The following ZNF334 variants were observed in gnomAD, a reference collection of about 807,000 sequenced individuals.
ZNF334 encodes the protein zinc finger protein 334.
A neutral mutation model predicts 12.4 loss-of-function variants in ZNF334; 14 were observed. That is an observed-to-expected ratio of 1.13 (90% CI 0.74 to 1.76). The LOEUF is 1.76. Ranked by LOEUF, ZNF334 falls within the 40% of genes most tolerant of loss-of-function variation. The pLI, the probability that ZNF334 is intolerant of heterozygous loss-of-function variation, is 0.00. For missense variants in ZNF334, 797 were observed against 804.5 expected (o/e 0.99, Z 0.11); for synonymous variants, 273 against 269.6 (o/e 1.01, Z -0.12).
chr20:46,496,678 T>C (rs1164195613), downstream of ZNF334: 2 of 152,240 alleles, frequency 1.3e-5, no homozygotes, highest in Non-Finnish European at 2.9e-5. Context: ...CTTTTATGCT[T>C]AGCAAGGCTT....
At chr20:46,464,492 T>C in the ZNF334 span, 11 of 510,696 alleles carry the variant, frequency 2.2e-5, no homozygotes, top group Non-Finnish European at 3.1e-5. Context: ...ACACATCGTA[T>C]CCTTGCTGCA....
At chr20:46,482,483 G>A in the ZNF334 span, among the ~76,000 whole-genome samples, 1 of 152,156 alleles carries the variant, frequency 6.6e-6, no homozygotes, top group Non-Finnish European at 1.5e-5. Context: ...AGGCAGACCT[G>A]AGTTAAATTT....
rs750116919 is a variant in ZNF334 at position 46,502,708 on chromosome 20, A to C, written c.631T>G (p.Tyr211Asp). 1.4e-5 allele frequency: 23 copies of C among 1,613,436 alleles called. No individual in the cohort carries two copies. The highest frequency in any genetic ancestry group is 1.7e-5 in the Non-Finnish European group (20 of 1,179,994). The change falls in exon 5 of 5, where the codon TAT becomes GAT. Residue 211 changes from tyrosine to aspartate, a missense_variant. Transcript: ENST00000692313. ...NIQILKQPFD[Y>D]NKCGKTFFKR... ...AAGAAGGTTTTCCCACATTTATTAT[A>C]GTCAAACGGTTGTTTCAAAATCTGA...
At chr20:46,499,160 C>G (rs942355041), downstream of ZNF334, among the ~76,000 whole-genome samples, 5 of 110,132 alleles carry the variant, frequency 4.5e-5, no homozygotes, top group Non-Finnish European at 8.4e-5. Context: ...GGCGACAGAG[C>G]GAGACTCCGT....
chr20:46,470,550 G>A, the ZNF334 span, among the ~76,000 whole-genome samples: 27 of 152,320 alleles, frequency 1.8e-4, no homozygotes, highest in Non-Finnish European at 2.9e-4. Context: ...AGAGGAACGC[G>A]AGGGACAGAG....
the ZNF334 span, chr20:46,484,402 T>C: frequency 6.0e-6 from 1 of 167,060 alleles, no homozygotes; most frequent in Non-Finnish European, 1.5e-5. Flanking sequence ...ATTTGAAAGA[T>C]ATCTACCAGA....
intron 2 of ZNF334, among the ~76,000 whole-genome samples, chr20:46,510,787 AT>A (rs2061621021): frequency 6.7e-6 from 1 of 150,080 alleles, no homozygotes; most frequent in Non-Finnish European, 1.5e-5. Flanking sequence ...GATGGCCTTC[AT>A]TTTCTGGCTT....
the ZNF334 span, among the ~76,000 whole-genome samples, chr20:46,481,793 G>C: frequency 6.6e-6 from 1 of 152,090 alleles, no homozygotes; most frequent in South Asian, 2.1e-4. Flanking sequence ...TACGTTGATG[G>C]GTAAACAGAA....
intron 4 of ZNF334, among the ~76,000 whole-genome samples, chr20:46,503,563 C>T (rs982004998): frequency 1.3e-5 from 2 of 152,138 alleles, no homozygotes; most frequent in East Asian, 3.8e-4. Flanking sequence ...ATTATCAAAA[C>T]ACACAAGAAG....
the ZNF334 span, among the ~76,000 whole-genome samples, chr20:46,468,004 A>C: frequency 6.6e-6 from 1 of 152,224 alleles, no homozygotes; most frequent in African/African-American, 2.4e-5. Flanking sequence ...TTTACTGCTT[A>C]TAAGTGATAT....
the ZNF334 span, among the ~76,000 whole-genome samples, chr20:46,489,777 T>G: frequency 6.6e-6 from 1 of 152,234 alleles, no homozygotes; most frequent in African/African-American, 2.4e-5. Context: ...ATTACTCATG[T>G]ATATTTATAA....
chr20:46,465,237 T>C, the ZNF334 span: 1 of 180,708 alleles, frequency 5.5e-6, no homozygotes, highest in African/African-American at 2.4e-5. Context: ...CTCCTGATAT[T>C]GTGGCTGTTG....
At chr20:46,465,012 T>C in the ZNF334 span, 4 of 386,804 alleles carry the variant, frequency 1.0e-5, no homozygotes, top group African/African-American at 6.4e-5. Context: ...GTACCGTCGC[T>C]GAAAATACTT....
At chr20:46,466,421 GAATA>G in the ZNF334 span, among the ~76,000 whole-genome samples, 1 of 152,118 alleles carries the variant, frequency 6.6e-6, no homozygotes, top group African/African-American at 2.4e-5. Context: ...TGCAAATGAA[GAATA>G]AATATGTGAA....
the ZNF334 span, among the ~76,000 whole-genome samples, chr20:46,477,694 C>A: frequency 6.6e-6 from 1 of 152,224 alleles, no homozygotes; most frequent in Non-Finnish European, 1.5e-5. Context: ...TGCTATCCCT[C>A]ACCAGCTGTG....
the ZNF334 span, among the ~76,000 whole-genome samples, chr20:46,471,143 C>T: frequency 6.6e-6 from 1 of 152,150 alleles, no homozygotes; most frequent in Non-Finnish European, 1.5e-5. Context: ...TTAGTTTTAG[C>T]CAATCCTTTT....
chr20:46,482,940 GTC>G, the ZNF334 span, among the ~76,000 whole-genome samples: 1 of 152,140 alleles, frequency 6.6e-6, no homozygotes, highest in Non-Finnish European at 1.5e-5. Context: ...TTGCCATGAA[GTC>G]TCTACATATT....
At chr20:46,477,457 G>C in the ZNF334 span, among the ~76,000 whole-genome samples, 1 of 151,964 alleles carries the variant, frequency 6.6e-6, no homozygotes, top group Non-Finnish European at 1.5e-5. Flanking sequence ...TCTCACCTCA[G>C]CCTCCCAAGT....
chr20:46,469,299 T>C, the ZNF334 span, among the ~76,000 whole-genome samples: 1 of 151,740 alleles, frequency 6.6e-6, no homozygotes, highest in Non-Finnish European at 1.5e-5. Flanking sequence ...TATTAGGACT[T>C]ACATATGAGG....
Sources: allele counts gnomAD v4.1 joint callset (sites outside exome capture counted in the v4.1 genomes callset), GRCh38; gene constraint gnomAD v4.1.1; transcripts MANE v1.5; gene names NCBI Gene and HGNC (gene_info 2026-07-23, HGNC 2026-07-21).